RYR2: variants seen among roughly 807,000 people sequenced by gnomAD.
The protein encoded by RYR2 is cardiac muscle ryanodine receptor-calcium release channel.
RYR2 carries 227 observed loss-of-function variants against 601.1 expected under a neutral mutation model. That is an observed-to-expected ratio of 0.38 (90% CI 0.34 to 0.42). The LOEUF is 0.42. Ranked by LOEUF, RYR2 falls within the 10% of genes least tolerant of loss-of-function variation. The pLI, the probability that RYR2 is intolerant of heterozygous loss-of-function variation, is 1.00. For synonymous variants in RYR2, 2,223 were observed against 2,175.1 expected (o/e 1.02, Z -0.61); for missense variants, 4,646 against 6,156.5 (o/e 0.75, Z 8.21).
At chr1:237,801,513 G>A (rs1264996308) in intron 97 of RYR2, among the ~76,000 whole-genome samples, 1 of 149,470 alleles carries the variant, frequency 6.7e-6, no homozygotes, top group Non-Finnish European at 1.5e-5. Flanking sequence ...TTGCATTCTA[G>A]TCTGGGTGAA....
chr1:237,698,105 A>AGTGTGTGT lies in RYR2; in HGVS notation c.9068-821_9068-814dup, dbSNP rs3999833. ...TCAATCTCAGGACCCAGGAGATGAT[A>AGTGTGTGT]GTGTGTGTGTGTGTGTGTGTGTGTG... On this transcript the variant is annotated intron_variant, in intron 63 of 104. Coordinates refer to ENST00000366574, the MANE Select transcript of RYR2 (RefSeq NM_001035.3). 7.8e-4 allele frequency among the ~76,000 whole-genome samples: 110 copies of AGTGTGTGT among 140,138 alleles called. 1 individual carries two copies. The highest frequency in any genetic ancestry group is 2.3e-3 in the African/African-American group (87 of 37,630). 91.9% of individuals were successfully genotyped at this position (140,138 alleles called of 152,430 possible).
At chr1:237,445,219 G>A (rs1708225659) in intron 13 of RYR2, among the ~76,000 whole-genome samples, 182 bp from the exon 14 acceptor site, 1 of 152,110 alleles carries the variant, frequency 6.6e-6, no homozygotes, top group African/African-American at 2.4e-5. Context: ...TAAATGGAAT[G>A]GCTAATTTGT....
chr1:237,348,556 C>T (rs186503173), intron 3 of RYR2, among the ~76,000 whole-genome samples: 36 of 152,258 alleles, frequency 2.4e-4, no homozygotes, highest in Non-Finnish European at 4.6e-4. Context: ...GAAAACCTGC[C>T]TTCAATCTAC....
intron 39 of RYR2, among the ~76,000 whole-genome samples, chr1:237,624,982 TG>T (rs1241237968): frequency 6.6e-6 from 1 of 151,930 alleles, no homozygotes; most frequent in Non-Finnish European, 1.5e-5. Context: ...TACATGTATG[TG>T]TGTGTATATA....
At chr1:237,491,589 GC>G (rs1173586815) in intron 17 of RYR2, among the ~76,000 whole-genome samples, 5 of 152,134 alleles carry the variant, frequency 3.3e-5, no homozygotes, top group African/African-American at 1.2e-4. Flanking sequence ...TCAGTTGTTT[GC>G]CTTTTCTTCC....
intron 1 of RYR2, among the ~76,000 whole-genome samples, chr1:237,147,811 G>C (rs531175486): frequency 1.3e-5 from 2 of 152,318 alleles, no homozygotes; most frequent in Admixed American, 1.3e-4. Context: ...GTTTAAACTG[G>C]ATCTAGCAAA....
intron 3 of RYR2, among the ~76,000 whole-genome samples, chr1:237,351,854 C>CAA (rs33955032): frequency 4.2e-3 from 170 of 40,838 alleles, no homozygotes; most frequent in Middle Eastern, 0.021. Context: ...AAAGACCATG[C>CAA]AAAAAAAAAA....
rs1558698927 is a variant in RYR2 at position 237,369,876 on chromosome 1, G to A, written c.384+268G>A. Among the ~76,000 whole-genome samples, 4 of 152,246 alleles carry A rather than the reference G, an allele frequency of 2.6e-5. No individual in the cohort carries two copies. In the South Asian group the frequency reaches 8.3e-4, roughly 32 times the overall value. ...AGAGTAGTTTTAGGAGGAGAGAGGT[G>A]TAAGAGTCAAATAAGAGATATTTTC... On this transcript the variant is annotated intron_variant, in intron 6 of 104. Transcript: ENST00000366574.
chr1:237,563,108 A>C (rs1029821117), intron 27 of RYR2, among the ~76,000 whole-genome samples: 22 of 152,154 alleles, frequency 1.4e-4, no homozygotes, highest in African/African-American at 5.3e-4. Flanking sequence ...AAACTAACTT[A>C]ATAAATATAT....
At position 237,566,719 on chromosome 1, in the gene RYR2, C is replaced by A; in HGVS notation, c.3367C>A (p.Gln1123Lys). 1 of 1,613,916 alleles carries A rather than the reference C, an allele frequency of 6.2e-7. No homozygotes were observed. Among genetic ancestry groups the A allele is most frequent in the South Asian group, 1.1e-5 (1 of 91,064 alleles). The change falls in exon 28 of 105, where the codon CAA becomes AAA. Residue 1123 changes from glutamine (Q) to lysine (K), a missense_variant. Gln to Lys is a moderately conservative substitution (Grantham distance 53). Around this residue, in one of 17 missense-constraint regions of RYR2, gnomAD observed 1,807 missense variants for 2,088.1 expected, o/e 0.87. Transcript: ENST00000366574. ...GGTTGGTTGGAGTCGTCCTGGTTGT[C>A]AACCGGATCAGGAGCTTGGCTCAGA... Reference protein sequence around the residue: ...MRVGWSRPGCQPDQELGSDER... With the variant: ...MRVGWSRPGCKPDQELGSDER...
chr1:237,503,104 T>C (rs1664839205), intron 21 of RYR2, among the ~76,000 whole-genome samples, 185 bp from the exon 22 acceptor site: 1 of 152,212 alleles, frequency 6.6e-6, no homozygotes, highest in East Asian at 1.9e-4. Flanking sequence ...GATGTCCTCA[T>C]GTTTTACCTT....
intron 1 of RYR2, among the ~76,000 whole-genome samples, chr1:237,111,959 G>A (rs934296829): frequency 6.6e-6 from 1 of 152,202 alleles, no homozygotes. Context: ...GCACCCCAGT[G>A]GCAGCCCATG....
In RYR2 at chr1:237,227,501, A is replaced by T. The variant is rs1241516468; in HGVS notation, c.49-42996A>T. 2.0e-5 allele frequency among the ~76,000 whole-genome samples: 3 copies of T among 152,164 alleles called. No homozygotes were observed. In the East Asian group the frequency reaches 5.8e-4, roughly 29 times the overall value. On this transcript the variant is annotated intron_variant, in intron 1 of 104. Transcript: ENST00000366574. ...TCAAATAAAGTAAGTTTTGTTCAAA[A>T]CTGTTTCATCATAACATCTATGAGA... is the stretch of plus-strand genomic sequence containing the variant.
At chr1:237,596,945 A>T (rs1675957478) in intron 34 of RYR2, among the ~76,000 whole-genome samples, 1 of 152,234 alleles carries the variant, frequency 6.6e-6, no homozygotes, top group South Asian at 2.1e-4. Context: ...TACTCCACAG[A>T]TAAGCAAAAG....
intron 85 of RYR2, among the ~76,000 whole-genome samples, 186 bp from the exon 86 acceptor site, chr1:237,771,826 A>G (rs1035436352): frequency 1.1e-4 from 16 of 152,154 alleles, no homozygotes; most frequent in Non-Finnish European, 2.2e-4. Context: ...GAGCACCCAG[A>G]TACACTTTTG....
intron 46 of RYR2, 45 bp from the exon 47 acceptor site, chr1:237,640,852 A>G (rs777029181): frequency 2.7e-6 from 4 of 1,463,394 alleles, no homozygotes; most frequent in Non-Finnish European, 2.8e-6. Flanking sequence ...ATGAAATGTC[A>G]GTTATCCCAT....
chr1:237,791,964 T>C, intron 93 of RYR2, 141 bp from the exon 94 acceptor site: 1 of 641,614 alleles, frequency 1.6e-6, no homozygotes, highest in Non-Finnish European at 2.7e-6. Flanking sequence ...CTATCGTTTT[T>C]AGCCTTTGCT....
chr1:237,750,508 A>G (rs1206969737), intron 80 of RYR2, among the ~76,000 whole-genome samples: 7 of 150,960 alleles, frequency 4.6e-5, no homozygotes, highest in African/African-American at 1.7e-4. Flanking sequence ...ACTTTATATA[A>G]TTTATATAAT....
At chr1:237,533,798 G>C (rs1437703377) in intron 25 of RYR2, among the ~76,000 whole-genome samples, 1 of 152,086 alleles carries the variant, frequency 6.6e-6, no homozygotes, top group Non-Finnish European at 1.5e-5. Context: ...TATAAATATA[G>C]GCAGGGATGT....
Sources: allele counts gnomAD v4.1 joint callset (sites outside exome capture counted in the v4.1 genomes callset), GRCh38; gene constraint gnomAD v4.1.1; regional missense constraint gnomAD v4.1.1; transcripts MANE v1.5; gene names NCBI Gene and HGNC (gene_info 2026-07-23, HGNC 2026-07-21).